RNF32: variants seen among roughly 807,000 people sequenced by gnomAD.
RNF32 encodes the protein ring finger protein 32.
In RNF32, 36 loss-of-function variants were observed where a neutral mutation model predicts 41.0. That is an observed-to-expected ratio of 0.88 (90% confidence interval 0.67 to 1.16). The LOEUF is 1.16. Ranked by LOEUF, RNF32 falls within the 50% of genes most tolerant of loss-of-function variation. The pLI is 0.00. For missense variants in RNF32, 413 were observed against 436.7 expected (o/e 0.95, Z 0.48); for synonymous variants, 154 against 160.9 (o/e 0.96, Z 0.32).
chr7:156,676,812 C>CA lies in RNF32; in HGVS notation c.*157_*158insA. On this transcript the variant is annotated 3_prime_UTR_variant, in exon 9 of 9. Transcript: ENST00000317955. The stretch of plus-strand genomic sequence containing the variant: ...AGGAAATCTTAGTATATTTTAAAAG[C>CA]TGACATCCCACCTAATTTTAATCTT... 1 of 606,394 alleles carries CA rather than the reference C, an allele frequency of 1.6e-6. No homozygotes were observed. Among genetic ancestry groups the CA allele is most frequent in the Non-Finnish European group, 2.9e-6 (1 of 347,608 alleles). The allele number at this position is 606,394 out of a possible 1,614,324, so 37.6% of individuals were successfully genotyped here.
At chr7:156,658,084 T>A in intron 5 of RNF32, 44 bp from the exon 6 acceptor site, 1 of 1,578,120 alleles carries the variant, frequency 6.3e-7, no homozygotes, top group Non-Finnish European at 8.7e-7. Context: ...ACGTTGTTTA[T>A]AAGTAATTAC....
intron 4 of RNF32, 103 bp downstream of exon 4, chr7:156,654,821 A>G (rs1799355759): frequency 8.8e-7 from 1 of 1,132,540 alleles, no homozygotes; most frequent in Non-Finnish European, 1.3e-6. Flanking sequence ...TTCCAGTTTC[A>G]TCCTCCTGTG....
At chr7:156,672,363 A>G (rs1802731769) in intron 7 of RNF32, among the ~76,000 whole-genome samples, 1 of 152,202 alleles carries the variant, frequency 6.6e-6, no homozygotes, top group African/African-American at 2.4e-5. Context: ...TCCTGGCCCC[A>G]GGACTAATAA....
chr7:156,657,555 C>T lies in RNF32; in HGVS notation c.432C>T (p.Cys144=), dbSNP rs994827978. Residue 144 remains cysteine (C), a synonymous_variant, in exon 5 of 9, where the codon TGC becomes TGT. Transcript: ENST00000317955. ...FELRPQVLLS[C]SHVFHKACLQ... Reference sequence around the variant, plus strand: ...CTCATGAACAGGTGCTGCTTTCATGCTCCCATGTGTTCCACAAAGTAAGTC... The same window carrying T: ...CTCATGAACAGGTGCTGCTTTCATGTTCCCATGTGTTCCACAAAGTAAGTC... 3 of 1,614,038 alleles carry T rather than the reference C, an allele frequency of 1.9e-6. No individual in the cohort carries two copies. Among genetic ancestry groups the T allele is most frequent in the Non-Finnish European group, 2.5e-6 (3 of 1,179,996 alleles).
chr7:156,666,032 A>G (rs79558628), intron 7 of RNF32, among the ~76,000 whole-genome samples: 2,502 of 152,314 alleles, frequency 0.016, 57 homozygotes, highest in African/African-American at 0.056. Flanking sequence ...CTTGTTTGCT[A>G]TACTTGGGAA....
intron 2 of RNF32, 70 bp downstream of exon 2, chr7:156,643,962 G>A (rs1797683089): frequency 2.8e-6 from 4 of 1,432,762 alleles, no homozygotes; most frequent in Non-Finnish European, 3.9e-6. Context: ...AGCCATTTGA[G>A]AGTATAAAAA....
chr7:156,676,991 TCC>T lies in RNF32; in HGVS notation c.*337_*338del. 1 of 224,594 alleles carries T rather than the reference TCC, an allele frequency of 4.5e-6. No homozygotes were observed. The highest frequency in any genetic ancestry group is 8.9e-6 in the Non-Finnish European group (1 of 111,786). The allele number at this position is 224,594 out of a possible 1,614,324, so 13.9% of individuals were successfully genotyped here. A position where few individuals can be genotyped will look rare whatever the true frequency, so the allele number is the denominator to read the frequency against. ...AAAGTAAGTTCCAAATGTAAAACAC[TCC>T]TTAAGTTCCAAATGTTTTCCGCTAA... is the stretch of plus-strand genomic sequence containing the variant. On this transcript the variant is annotated 3_prime_UTR_variant, in exon 9 of 9. Transcript: ENST00000317955.
intron 4 of RNF32, among the ~76,000 whole-genome samples, chr7:156,656,417 A>G (rs1799680626): frequency 6.6e-6 from 1 of 152,234 alleles, no homozygotes; most frequent in South Asian, 2.1e-4. Context: ...AAAACACTGA[A>G]AAGTATTCTA....
At chr7:156,645,734 T>A (rs1353959067) in intron 3 of RNF32, among the ~76,000 whole-genome samples, 1 of 152,230 alleles carries the variant, frequency 6.6e-6, no homozygotes, top group African/African-American at 2.4e-5. Context: ...GAACATACGA[T>A]AATATTTTCT....
upstream of RNF32, chr7:156,640,424 T>C (rs1797123369): frequency 7.4e-6 from 3 of 404,740 alleles, no homozygotes; most frequent in Non-Finnish European, 1.5e-5. Context: ...CGGCCCTCAC[T>C]ACACGAGGCC....
intron 7 of RNF32, among the ~76,000 whole-genome samples, chr7:156,660,545 C>T (rs903690547): frequency 4.3e-4 from 66 of 152,096 alleles, no homozygotes; most frequent in African/African-American, 1.4e-3. Flanking sequence ...GACAGGGTTT[C>T]GTTATATTGC....
At position 156,675,788 on chromosome 7, in the gene RNF32, A is replaced by C. The variant is rs927952603; in HGVS notation, c.777A>C (p.Arg259=). Residue 259 remains arginine, a synonymous_variant, in exon 8 of 9, where the codon CGA becomes CGC. Transcript: ENST00000317955. The part of the protein sequence containing the change: ...AEIDQCLAIN[R]SVLQQLEEKC... ...TCGATCAGTGCTTGGCCATAAATCG[A>C]AGTGTTCTTCAGCAGTTGGAAGAAA... 7.4e-6 allele frequency: 12 copies of C among 1,614,006 alleles called. No individual in the cohort carries two copies. In the African/African-American group the frequency reaches 1.6e-4, roughly 22 times the overall value.
intron 7 of RNF32, 23 bp from the exon 8 acceptor site, chr7:156,675,673 A>G: frequency 1.7e-5 from 24 of 1,395,228 alleles, no homozygotes; most frequent in Middle Eastern, 1.8e-4. Context: ...GTGTGAGCTT[A>G]CCCGCCCCCG....
rs1170181848 is a variant in RNF32, at chr7:156,640,776, A to C, written c.-113A>C. 1 of 256,590 alleles carries C rather than the reference A, an allele frequency of 3.9e-6. No homozygotes were observed. The highest frequency in any genetic ancestry group is 2.4e-5 in the African/African-American group (1 of 41,870). 15.9% of individuals were successfully genotyped at this position (256,590 alleles called of 1,614,324 possible). On this transcript the variant is annotated 5_prime_UTR_variant, in exon 1 of 9. Transcript: ENST00000317955. Reference sequence around the variant, plus strand: ...GAGTTGCCTGAGGGAAAAGGGGCAGACGTCCCTGGGTTCCGGTGTTCGCGG... The same window carrying C: ...GAGTTGCCTGAGGGAAAAGGGGCAGCCGTCCCTGGGTTCCGGTGTTCGCGG...
intron 7 of RNF32, chr7:156,660,024 G>T (rs556435765): frequency 2.0e-6 from 2 of 985,538 alleles, no homozygotes; most frequent in South Asian, 9.4e-5. Flanking sequence ...TGGGTCCGCT[G>T]CCCTGTGGCC....
chr7:156,664,477 A>G (rs1801074784), intron 7 of RNF32, among the ~76,000 whole-genome samples: 1 of 152,194 alleles, frequency 6.6e-6, no homozygotes, highest in Non-Finnish European at 1.5e-5. Context: ...AAAAGAAAGA[A>G]AAAGAAAAAC....
intron 7 of RNF32, chr7:156,660,117 C>T (rs979123630): frequency 4.1e-6 from 4 of 985,878 alleles, no homozygotes; most frequent in Non-Finnish European, 4.8e-6. Context: ...GCCCTCATCG[C>T]TCGGAACGCC....
intron 7 of RNF32, among the ~76,000 whole-genome samples, chr7:156,671,073 T>C (rs1802381378): frequency 6.6e-6 from 1 of 152,218 alleles, no homozygotes; most frequent in African/African-American, 2.4e-5. Flanking sequence ...ACCTTAATAA[T>C]GTAAGTATGC....
upstream of RNF32, chr7:156,640,382 G>A (rs1482228477): frequency 4.5e-6 from 2 of 439,696 alleles, no homozygotes; most frequent in South Asian, 3.2e-5. Flanking sequence ...GCCGCCGGGG[G>A]CTGCGGACTA....
Sources: allele counts gnomAD v4.1 joint callset (sites outside exome capture counted in the v4.1 genomes callset), GRCh38; gene constraint gnomAD v4.1.1; transcripts MANE v1.5; gene names NCBI Gene and HGNC (gene_info 2026-07-23, HGNC 2026-07-21).